The following SEC31A variants were observed in gnomAD, a reference collection of about 807,000 sequenced individuals.
SEC31A encodes protein transport protein Sec31A.
SEC31A carries 70 observed loss-of-function variants against 151.0 expected under a neutral mutation model. The observed-to-expected ratio is 0.46, with a 90% CI of 0.38 to 0.57. The LOEUF (loss-of-function observed/expected upper bound fraction) is 0.57, where lower values mean the gene tolerates loss of function less well. Among genes scored for constraint, SEC31A ranks in the 20% least tolerant of loss-of-function variants. The pLI is 0.00. For synonymous variants in SEC31A, 475 were observed against 505.9 expected, an observed-to-expected ratio of 0.94 and a Z score of 0.82; for missense variants, 1,330 against 1,471.2, an observed-to-expected ratio of 0.90 and a Z score of 1.57.
In SEC31A at chr4:82,880,793, T is replaced by C. The variant is rs1031361312; in HGVS notation, c.203+6A>G. 6.2e-7 allele frequency: 1 copy of C among 1,607,134 alleles called. No individual in the cohort carries two copies. Among genetic ancestry groups the C allele is most frequent in the African/African-American group, 1.3e-5 (1 of 74,612 alleles). ...AATCACATGAATTTAAAGCTGAACC[T>C]CATACCTGTGAGAAGAGGAGAATGT... On this transcript the variant is annotated splice_donor_region_variant and intron_variant, in intron 3 of 26. Coordinates refer to ENST00000395310, the MANE Select transcript of SEC31A (RefSeq NM_001077207.4).
At chr4:82,829,585 T>A (rs1054879841) in intron 22 of SEC31A, among the ~76,000 whole-genome samples, 2 of 152,172 alleles carry the variant, frequency 1.3e-5, no homozygotes, top group Non-Finnish European at 2.9e-5. Context: ...TCCAACTATG[T>A]AACACTAGTA....
intron 16 of SEC31A, among the ~76,000 whole-genome samples, chr4:82,856,736 G>T (rs1447635356): frequency 3.9e-5 from 6 of 152,158 alleles, no homozygotes; most frequent in African/African-American, 1.4e-4. Context: ...GGGTGACAGA[G>T]CAAGACCCCG....
intron 22 of SEC31A, among the ~76,000 whole-genome samples, chr4:82,841,439 ATTTT>A (rs1183469820): frequency 2.2e-4 from 5 of 23,238 alleles, no homozygotes; most frequent in African/African-American, 3.6e-4. Flanking sequence ...GAAAAAAAAA[ATTTT>A]ATATATATAT....
intron 20 of SEC31A, chr4:82,845,159 G>A (rs1361247377): frequency 7.9e-7 from 1 of 1,272,028 alleles, no homozygotes; most frequent in Admixed American, 2.0e-5. Context: ...GTATATTTAG[G>A]TGAGCAGAAT....
At chr4:82,854,772 G>T in intron 17 of SEC31A, 131 bp downstream of exon 17, 2 of 889,348 alleles carry the variant, frequency 2.2e-6, no homozygotes, top group Non-Finnish European at 3.2e-6. Flanking sequence ...GAAAGGCACT[G>T]AAATGAGAAT....
chr4:82,856,000 T>C (rs1022801245), intron 16 of SEC31A, among the ~76,000 whole-genome samples: 1 of 152,142 alleles, frequency 6.6e-6, no homozygotes, highest in African/African-American at 2.4e-5. Context: ...TAATCAGAAA[T>C]TTGTACAAGT....
At chr4:82,834,143 A>G (rs750658810) in intron 22 of SEC31A, among the ~76,000 whole-genome samples, 9 of 152,232 alleles carry the variant, frequency 5.9e-5, no homozygotes, top group Non-Finnish European at 8.8e-5. Flanking sequence ...TAGTTTATAA[A>G]TGCCCGGTGA....
intron 1 of SEC31A, 46 bp from the exon 2 acceptor site, chr4:82,881,986 G>T: frequency 1.4e-6 from 2 of 1,380,194 alleles, no homozygotes; most frequent in Non-Finnish European, 2.1e-6. Flanking sequence ...TGACTTGAAT[G>T]TCTAACACAG....
chr4:82,886,099 A>G (rs1199989758), intron 1 of SEC31A, among the ~76,000 whole-genome samples: 1 of 152,224 alleles, frequency 6.6e-6, no homozygotes, highest in Admixed American at 6.5e-5. Context: ...TCTACTTCCA[A>G]CAAGTTCAGG....
At chr4:82,873,779 C>G (rs1488289378) in intron 6 of SEC31A, among the ~76,000 whole-genome samples, 3 of 151,910 alleles carry the variant, frequency 2.0e-5, no homozygotes, top group Non-Finnish European at 2.9e-5. Context: ...CAAATTATAT[C>G]TAAATTATTT....
intron 1 of SEC31A, among the ~76,000 whole-genome samples, chr4:82,887,864 G>A (rs1232178240): frequency 6.6e-6 from 1 of 151,416 alleles, no homozygotes; most frequent in African/African-American, 2.4e-5. Flanking sequence ...CGAGACCACG[G>A]TGAAACCCCG....
rs1204792284 is a variant in SEC31A at position 82,851,442 on chromosome 4, T to C, written c.2317A>G (p.Asn773Asp). ...TCAATTCTAATTACCTGGTTGGTGT[T>C]GTCAGGAAGAAAAGCCAAGGCTGCA... ...IAAALAFLPD[N>D]TNQPNIMQLR... The change falls in exon 19 of 27, where the codon AAC (asparagine) becomes GAC (aspartate). Residue 773 changes from asparagine to aspartate, a missense_variant. Coordinates refer to ENST00000395310, the MANE Select transcript of SEC31A (RefSeq NM_001077207.4). 6.2e-7 allele frequency: 1 copy of C among 1,611,756 alleles called. No homozygotes were observed. Among genetic ancestry groups the C allele is most frequent in the South Asian group, 1.1e-5 (1 of 90,682 alleles).
intron 3 of SEC31A, among the ~76,000 whole-genome samples, chr4:82,898,809 T>C (rs1372872530): frequency 2.0e-5 from 3 of 152,110 alleles, no homozygotes; most frequent in Non-Finnish European, 4.4e-5. Flanking sequence ...CTAGGGAAAA[T>C]AATCTGGCAC....
chr4:82,891,212 C>A (rs1054959274), upstream of SEC31A: 2 of 1,514,002 alleles, frequency 1.3e-6, no homozygotes, highest in Admixed American at 4.0e-5. Context: ...ACGTGGCAGC[C>A]GCAGCCGCAG....
At chr4:82,850,250 C>T (rs1189742296) in intron 19 of SEC31A, among the ~76,000 whole-genome samples, 1 of 151,966 alleles carries the variant, frequency 6.6e-6, no homozygotes, top group Non-Finnish European at 1.5e-5. Flanking sequence ...TAATATACCT[C>T]AATATAACTA....
chr4:82,865,520 G>C (rs1042337025), intron 10 of SEC31A, among the ~76,000 whole-genome samples: 1 of 116,578 alleles, frequency 8.6e-6, no homozygotes, highest in African/African-American at 3.0e-5. Context: ...CAAATGAATG[G>C]ATAAAAAAAA....
intron 20 of SEC31A, among the ~76,000 whole-genome samples, chr4:82,846,482 C>T (rs1045208430): frequency 6.6e-6 from 1 of 151,348 alleles, no homozygotes; most frequent in Non-Finnish European, 1.5e-5. Context: ...AGAAGTTACA[C>T]TGAGTGTGCC....
Position 82,819,018 on chromosome 4 carries a change from T to C in SEC31A, c.*56A>G, listed in dbSNP as rs1722771959. On this transcript the variant is annotated 3_prime_UTR_variant, in exon 27 of 27. Coordinates refer to ENST00000395310, the MANE Select transcript of SEC31A (RefSeq NM_001077207.4). The stretch of plus-strand genomic sequence containing the variant: ...CTAGTCCATGTCTTATAATTTTTTT[T>C]TTTAACATGTTTCTTTGGAAAAATG... 1 of 1,486,148 alleles carries C rather than the reference T, an allele frequency of 6.7e-7. No homozygotes were observed. 92.1% of individuals were successfully genotyped at this position (1,486,148 alleles called of 1,614,324 possible). A position where few individuals can be genotyped will look rare whatever the true frequency, so the allele number is the denominator to read the frequency against.
chr4:82,854,865 G>T, intron 17 of SEC31A, 38 bp downstream of exon 17: 2 of 1,554,200 alleles, frequency 1.3e-6, no homozygotes, highest in East Asian at 2.3e-5. Context: ...ACCCTGCCAC[G>T]TATGTAAATG....
Sources: gnomAD v4.1 joint callset for allele counts (sites outside exome capture counted in the v4.1 genomes callset) on GRCh38, gnomAD v4.1.1 for gene constraint, MANE v1.5 for transcripts, NCBI Gene and HGNC (gene_info 2026-07-23, HGNC 2026-07-21) for gene names.